MAGI2: variants seen among roughly 807,000 people sequenced by gnomAD.
MAGI2 encodes the protein membrane-associated guanylate kinase, WW and PDZ domain-containing protein 2.
Under a neutral mutation model 133.3 loss-of-function variants are expected in MAGI2, and 35 were observed. The observed-to-expected ratio is 0.26, with a 90% CI of 0.20 to 0.35. The LOEUF (loss-of-function observed/expected upper bound fraction) is 0.35, where lower values mean the gene tolerates loss of function less well. Among genes scored for constraint, MAGI2 ranks in the 10% least tolerant of loss-of-function variants. MAGI2 has a pLI of 1.00. For synonymous variants in MAGI2, 729 were observed against 710.6 expected, an observed-to-expected ratio of 1.03 and a Z score of -0.41; for missense variants, 1,636 against 1,863.4, an observed-to-expected ratio of 0.88 and a Z score of 2.25.
intron 2 of MAGI2, among the ~76,000 whole-genome samples, chr7:78,651,612 A>C (rs547829344): frequency 1.3e-5 from 2 of 152,290 alleles, no homozygotes; most frequent in African/African-American, 4.8e-5. Flanking sequence ...TCAAAGAATT[A>C]GCATTCTATC....
At position 78,578,785 on chromosome 7, in the gene MAGI2, A is replaced by T. The variant is rs140556752; in HGVS notation, c.538+48335T>A. ...CTAATGAGCTCATTAACCACTGTTC[A>T]TGACTCTCAGTGGAGGCCAGGGCAT... On this transcript the variant is annotated intron_variant, in intron 3 of 21. Transcript: ENST00000354212. Among the ~76,000 whole-genome samples, 403 of 152,294 alleles carry T rather than the reference A, an allele frequency of 2.6e-3. 2 individuals carry two copies. The highest frequency in any genetic ancestry group is 0.01 in the Middle Eastern group (3 of 294).
At chr7:79,342,297 G>T (rs947521689) in intron 1 of MAGI2, among the ~76,000 whole-genome samples, 1 of 152,186 alleles carries the variant, frequency 6.6e-6, no homozygotes, top group Non-Finnish European at 1.5e-5. Context: ...AGAATAACTC[G>T]GTCCCCTGTG....
intron 2 of MAGI2, among the ~76,000 whole-genome samples, chr7:78,972,155 G>A (rs1026890908): frequency 1.6e-4 from 24 of 151,824 alleles, no homozygotes; most frequent in African/African-American, 5.5e-4. Context: ...TCTGTAAGCA[G>A]GAATATAAAA....
At chr7:78,401,727 T>C (rs1482926433) in intron 6 of MAGI2, among the ~76,000 whole-genome samples, 1 of 152,180 alleles carries the variant, frequency 6.6e-6, no homozygotes, top group South Asian at 2.1e-4. Flanking sequence ...CAGCTGTTAG[T>C]AATTTATTTT....
At chr7:79,220,041 T>A (rs555329053) in intron 1 of MAGI2, among the ~76,000 whole-genome samples, 7 of 152,174 alleles carry the variant, frequency 4.6e-5, no homozygotes, top group African/African-American at 1.7e-4. Context: ...ATGTCTCCCT[T>A]AATCTGCTTC....
chr7:79,230,488 C>T (rs1235016925), intron 1 of MAGI2, among the ~76,000 whole-genome samples: 1 of 151,808 alleles, frequency 6.6e-6, no homozygotes, highest in Non-Finnish European at 1.5e-5. Context: ...GCCATTCTAA[C>T]TGGTGTGAGA....
intron 2 of MAGI2, among the ~76,000 whole-genome samples, chr7:78,689,804 CAATT>C (rs2151118584): frequency 6.9e-6 from 1 of 144,822 alleles, no homozygotes; most frequent in African/African-American, 2.5e-5. Flanking sequence ...TAAGATATCA[CAATT>C]TATTTGTTCA....
At chr7:78,762,303 C>A (rs960689312) in intron 2 of MAGI2, among the ~76,000 whole-genome samples, 3 of 151,766 alleles carry the variant, frequency 2.0e-5, no homozygotes, top group South Asian at 2.1e-4. Flanking sequence ...ATTAGCCGGG[C>A]GTGGTGGTGC....
At chr7:79,452,177 T>C (rs1311688380) in intron 1 of MAGI2, among the ~76,000 whole-genome samples, 1 of 152,002 alleles carries the variant, frequency 6.6e-6, no homozygotes, top group African/African-American at 2.4e-5. Flanking sequence ...GGACTTCCAC[T>C]CAATGAGGGC....
intron 1 of MAGI2, among the ~76,000 whole-genome samples, chr7:79,265,141 AC>A (rs1834353307): frequency 6.6e-6 from 1 of 152,168 alleles, no homozygotes; most frequent in Non-Finnish European, 1.5e-5. Context: ...CATGCTCTGA[AC>A]CAGTGGTTCT....
intron 9 of MAGI2, among the ~76,000 whole-genome samples, chr7:78,315,540 G>A (rs377394089): frequency 6.5e-4 from 99 of 152,228 alleles, no homozygotes; most frequent in South Asian, 5.2e-3. Context: ...AAATCATATA[G>A]CTCCTTGTTC....
rs573611339 is a variant in MAGI2 at position 79,283,959 on chromosome 7, T to C, written c.301+169061A>G. ...TATTAGATACACAAATACTTATTATTGTGTTATAATGGCCCATTGTATTCA... is the reference window on the plus strand; with the variant it reads ...TATTAGATACACAAATACTTATTATCGTGTTATAATGGCCCATTGTATTCA... On this transcript the variant is annotated intron_variant, in intron 1 of 21. Transcript: ENST00000354212. Among the ~76,000 whole-genome samples the C allele has an allele frequency of 2.3e-4, 35 of 152,232 alleles. No homozygotes were observed. The South Asian group carries it at 6.4e-3, about 28-fold the overall frequency.
At chr7:79,342,588 A>G (rs918693803) in intron 1 of MAGI2, among the ~76,000 whole-genome samples, 6 of 152,208 alleles carry the variant, frequency 3.9e-5, no homozygotes, top group Non-Finnish European at 7.3e-5. Flanking sequence ...AGAATCACAT[A>G]CAGTGCGTAC....
intron 1 of MAGI2, among the ~76,000 whole-genome samples, chr7:79,295,704 T>G (rs902867765): frequency 6.6e-6 from 1 of 151,904 alleles, no homozygotes; most frequent in Non-Finnish European, 1.5e-5. Context: ...CAGGCTAGCT[T>G]TACGAAAGCA....
At chr7:78,674,734 CT>C (rs1814802679) in intron 2 of MAGI2, among the ~76,000 whole-genome samples, 1 of 152,024 alleles carries the variant, frequency 6.6e-6, no homozygotes, top group Admixed American at 6.6e-5. Flanking sequence ...TTATATGCAA[CT>C]ATTCAATGTT....
chr7:78,848,085 C>G (rs1024298317), intron 2 of MAGI2, among the ~76,000 whole-genome samples: 3 of 151,856 alleles, frequency 2.0e-5, no homozygotes, highest in African/African-American at 7.2e-5. Flanking sequence ...AGATAAGTAC[C>G]TAGAGTCCTG....
intron 3 of MAGI2, among the ~76,000 whole-genome samples, chr7:78,561,861 A>G (rs1800443723): frequency 6.6e-5 from 10 of 152,204 alleles, no homozygotes; most frequent in Admixed American, 5.9e-4. Flanking sequence ...GCACGAAGGT[A>G]TAAGTGAGTT....
intron 20 of MAGI2, among the ~76,000 whole-genome samples, chr7:78,111,495 C>T (rs967608322): frequency 4.6e-5 from 7 of 152,186 alleles, no homozygotes; most frequent in Non-Finnish European, 8.8e-5. Flanking sequence ...GAAGAAGAAA[C>T]AGAGCAAAGA....
intron 1 of MAGI2, among the ~76,000 whole-genome samples, chr7:79,109,759 C>A (rs1323624908): frequency 6.6e-6 from 1 of 152,080 alleles, no homozygotes; most frequent in Admixed American, 6.5e-5. Context: ...GGAAAAAGTG[C>A]CTCAAAGGCA....
Sources: gnomAD v4.1 joint callset for allele counts (sites outside exome capture counted in the v4.1 genomes callset) on GRCh38, gnomAD v4.1.1 for gene constraint, MANE v1.5 for transcripts, NCBI Gene and HGNC (gene_info 2026-07-23, HGNC 2026-07-21) for gene names.